Variants in GOSR2 observed in about 807,000 individuals in gnomAD.
GOSR2 encodes golgi SNAP receptor complex member 2.
A neutral mutation model predicts 27.9 loss-of-function variants in GOSR2; 20 were observed. That is an observed-to-expected ratio of 0.72 (90% CI 0.50 to 1.04). The LOEUF is 1.04. Among genes scored for constraint, GOSR2 ranks in the 50% least tolerant of loss-of-function variants. The probability of loss-of-function intolerance (pLI) is 0.00; values close to 1 mark genes in which losing one functional copy is unlikely to be tolerated. For missense variants in GOSR2, 261 were observed against 270.5 expected (o/e 0.97, Z 0.25); for synonymous variants, 91 against 98.8 (o/e 0.92, Z 0.47).
At chr17:46,961,713 A>T (rs1475142617) in intron 6 of GOSR2, among the ~76,000 whole-genome samples, 1 of 152,240 alleles carries the variant, frequency 6.6e-6, no homozygotes. Context: ...ATAACGACAT[A>T]GAAAATTTGC....
chr17:46,923,336 G>A, intron 1 of GOSR2, 115 bp downstream of exon 1: 2 of 1,530,300 alleles, frequency 1.3e-6, no homozygotes, highest in Non-Finnish European at 1.8e-6. Flanking sequence ...TTTTCCGCCA[G>A]GGCACTGCTG....
At position 46,939,397 on chromosome 17, in the gene GOSR2, G is replaced by GT; in HGVS notation, c.*640dup. On this transcript the variant is annotated 3_prime_UTR_variant, in exon 6 of 6. Coordinates refer to ENST00000640051, the MANE Select transcript of GOSR2 (RefSeq NM_004287.5). ...AAGATTTTCCACACTACAGCTGGGT[G>GT]TTTCTCTTTTCTAAAGTGAGGCCAG... is the stretch of plus-strand genomic sequence containing the variant. 1 of 995,458 alleles carries GT rather than the reference G, an allele frequency of 1.0e-6. No individual in the cohort carries two copies. The highest frequency in any genetic ancestry group is 1.2e-6 in the Non-Finnish European group (1 of 834,648). The allele number at this position is 995,458 out of a possible 1,614,324, so 61.7% of individuals were successfully genotyped here. A position where few individuals can be genotyped will look rare whatever the true frequency, so the allele number is the denominator to read the frequency against.
downstream of GOSR2, among the ~76,000 whole-genome samples, chr17:46,975,758 A>C (rs747237855): frequency 1.3e-5 from 2 of 152,144 alleles, no homozygotes; most frequent in African/African-American, 4.8e-5. Flanking sequence ...GTTAGTACAC[A>C]CGCGTCTTCA....
downstream of GOSR2, among the ~76,000 whole-genome samples, chr17:46,942,724 A>G (rs1054689206): frequency 2.8e-4 from 42 of 152,214 alleles, no homozygotes; most frequent in Non-Finnish European, 1.2e-4. Flanking sequence ...GCATAGCCCT[A>G]TCTGTGGCTA....
chr17:46,935,339 C>A, intron 5 of GOSR2, 170 bp downstream of exon 5: 1 of 1,475,830 alleles, frequency 6.8e-7, no homozygotes. Flanking sequence ...TTATTGTGAG[C>A]CTGAAAGTAC....
In GOSR2 at chr17:46,939,178, T is replaced by TGGAAA. The variant is rs1284333904; in HGVS notation, c.*430_*434dup. On this transcript the variant is annotated 3_prime_UTR_variant, in exon 6 of 6. Transcript: ENST00000640051. ...GGCTCCTGATAGGGTGGAGCAAAAG[T>TGGAAA]GGAAAGGAAAGGAAAGAGGCCTTTT... is the stretch of plus-strand genomic sequence containing the variant. 39 of 1,090,654 alleles carry TGGAAA rather than the reference T, an allele frequency of 3.6e-5. No individual in the cohort carries two copies. Among genetic ancestry groups the TGGAAA allele is most frequent in the South Asian group, 2.7e-4 (10 of 36,944 alleles). The allele number at this position is 1,090,654 out of a possible 1,614,324, so 67.6% of individuals were successfully genotyped here. A position where few individuals can be genotyped will look rare whatever the true frequency, so the allele number is the denominator to read the frequency against.
intron 6 of GOSR2, among the ~76,000 whole-genome samples, chr17:46,961,827 A>G (rs1310609465): frequency 6.6e-6 from 1 of 152,206 alleles, no homozygotes; most frequent in African/African-American, 2.4e-5. Context: ...TCTAATGCCT[A>G]CTGTATGCAG....
At position 46,938,980 on chromosome 17, in the gene GOSR2, T is replaced by A; in HGVS notation, c.*220T>A. 1 of 1,413,886 alleles carries A rather than the reference T, an allele frequency of 7.1e-7. No individual in the cohort carries two copies. Among genetic ancestry groups the A allele is most frequent in the Non-Finnish European group, 9.3e-7 (1 of 1,077,048 alleles). 87.6% of individuals were successfully genotyped at this position (1,413,886 alleles called of 1,614,324 possible). On this transcript the variant is annotated 3_prime_UTR_variant, in exon 6 of 6. Coordinates refer to ENST00000640051, the MANE Select transcript of GOSR2 (RefSeq NM_004287.5). Reference sequence around the variant, plus strand: ...ACCACCATGCGCGGTGCTTAGGAAATGAAAGAAGTCCCGGGTCTGTCTCTC... The same window carrying A: ...ACCACCATGCGCGGTGCTTAGGAAAAGAAAGAAGTCCCGGGTCTGTCTCTC...
intron 4 of GOSR2, chr17:46,932,518 G>C (rs982106678): frequency 1.7e-6 from 1 of 575,278 alleles, no homozygotes; most frequent in African/African-American, 1.9e-5. Context: ...ATCAGATAGA[G>C]ACAGATGATT....
At chr17:46,938,045 T>G (rs552647214) in intron 5 of GOSR2, 10 of 175,982 alleles carry the variant, frequency 5.7e-5, no homozygotes, top group Non-Finnish European at 2.4e-5. Flanking sequence ...TTTTTTTTTG[T>G]AGAGAAGGGG....
chr17:46,951,353 C>G (rs146582197), intron 6 of GOSR2, among the ~76,000 whole-genome samples: 3 of 152,162 alleles, frequency 2.0e-5, no homozygotes, highest in Non-Finnish European at 4.4e-5. Flanking sequence ...TCCATGACAA[C>G]AGCAAGCTCC....
rs199529204 is a variant in GOSR2, at chr17:46,941,740, A to ATTT, written c.*2994_*2996dup. On this transcript the variant is annotated 3_prime_UTR_variant, in exon 6 of 6. Coordinates refer to ENST00000640051, the MANE Select transcript of GOSR2 (RefSeq NM_004287.5). Reference sequence around the variant, plus strand: ...AAGTGTGTGCCACCATGTCTGGCTAATTTTTTTTTTTTTTTTGTATTTTTT... The same window carrying ATTT: ...AAGTGTGTGCCACCATGTCTGGCTAATTTTTTTTTTTTTTTTTTTGTATTTTTT... 23 of 149,832 alleles carry ATTT rather than the reference A, an allele frequency of 1.5e-4. No individual in the cohort carries two copies. The highest frequency in any genetic ancestry group is 4.9e-4 in the Admixed American group (7 of 14,274). 9.3% of individuals were successfully genotyped at this position (149,832 alleles called of 1,614,324 possible).
chr17:46,950,150 T>C (rs2090223285), intron 6 of GOSR2, among the ~76,000 whole-genome samples: 1 of 152,216 alleles, frequency 6.6e-6, no homozygotes, highest in South Asian at 2.1e-4. Flanking sequence ...GTTGTTGCCT[T>C]TCCAGTATTT....
In GOSR2 at chr17:46,923,601, G is replaced by A. The variant is rs1438623913; in HGVS notation, c.29+380G>A. The A allele has an allele frequency of 3.9e-6, 5 of 1,288,822 alleles. No homozygotes were observed. In the African/African-American group the frequency reaches 4.5e-5, roughly 12 times the overall value. 79.8% of individuals were successfully genotyped at this position (1,288,822 alleles called of 1,614,324 possible). On this transcript the variant is annotated intron_variant, in intron 1 of 5. Coordinates refer to ENST00000640051, the MANE Select transcript of GOSR2 (RefSeq NM_004287.5). Reference sequence around the variant, plus strand: ...GGAGTAGGAGACACGGCCCCTGGCCGTAGGAGTGTACTGTTTAATTGGAGA... The same window carrying A: ...GGAGTAGGAGACACGGCCCCTGGCCATAGGAGTGTACTGTTTAATTGGAGA...
Position 46,941,604 on chromosome 17 carries a change from C to T in GOSR2, c.*2844C>T, listed in dbSNP as rs191980794. The T allele has an allele frequency of 1.2e-4, 26 of 208,492 alleles. No individual in the cohort carries two copies. The highest frequency in any genetic ancestry group is 2.5e-3 in the Middle Eastern group (1 of 398). 12.9% of individuals were successfully genotyped at this position (208,492 alleles called of 1,614,324 possible). On this transcript the variant is annotated 3_prime_UTR_variant, in exon 6 of 6. Coordinates refer to ENST00000640051, the MANE Select transcript of GOSR2 (RefSeq NM_004287.5). ...TTATTTTTTATTTTTGAGACAGTCT[C>T]GCTCTGTCACCCAGGCTGGAGTGCA...
chr17:46,929,428 G>A (rs914804875), intron 1 of GOSR2, 92 bp from the exon 2 acceptor site: 10 of 765,416 alleles, frequency 1.3e-5, no homozygotes, highest in Non-Finnish European at 2.2e-5. Context: ...ATTTAAATCA[G>A]TTACATGTTG....
rs934063969 is a variant in GOSR2, at chr17:46,960,428, A to G, written c.584-6106A>G. Among the ~76,000 whole-genome samples, 21 of 152,360 alleles carry G rather than the reference A, an allele frequency of 1.4e-4. No individual in the cohort carries two copies. The East Asian group carries it at 3.5e-3, about 25-fold the overall frequency. Reference sequence around the variant, plus strand: ...GGAAATGCAAAATGGAACAGCCACTATGAAAAACAGTTTGGCAGTGTCTTA... The same window carrying G: ...GGAAATGCAAAATGGAACAGCCACTGTGAAAAACAGTTTGGCAGTGTCTTA... On this transcript the variant is annotated intron_variant, in intron 6 of 6. Transcript: ENST00000573224.
intron 1 of GOSR2, among the ~76,000 whole-genome samples, chr17:46,925,543 A>G (rs1476841024): frequency 1.3e-5 from 2 of 152,172 alleles, no homozygotes; most frequent in African/African-American, 2.4e-5. Flanking sequence ...GAATGATATT[A>G]TAATTTGGGC....
At chr17:46,935,694 G>A (rs997788054) in intron 5 of GOSR2, 19 of 988,002 alleles carry the variant, frequency 1.9e-5, no homozygotes, top group African/African-American at 7.0e-5. Flanking sequence ...TCTAAAGCCC[G>A]TGCTGGTGAT....
Sources: allele counts gnomAD v4.1 joint callset (sites outside exome capture counted in the v4.1 genomes callset), GRCh38; gene constraint gnomAD v4.1.1; transcripts MANE v1.5; gene names NCBI Gene and HGNC (gene_info 2026-07-23, HGNC 2026-07-21).